Variants in SLC49A3 observed in about 807,000 individuals in gnomAD.
The protein encoded by SLC49A3 is solute carrier family 49 member A3.
A neutral mutation model predicts 43.8 loss-of-function variants in SLC49A3; 50 were observed. That is an observed-to-expected ratio of 1.14 (90% CI 0.91 to 1.45). The LOEUF is 1.45. SLC49A3 is among the 40% of genes most tolerant of loss of function. The pLI, the probability that SLC49A3 is intolerant of heterozygous loss-of-function variation, is 0.00. For synonymous variants in SLC49A3, 413 were observed against 352.0 expected (o/e 1.17, Z -1.94); for missense variants, 906 against 774.1 (o/e 1.17, Z -2.02).
downstream of SLC49A3, chr4:677,934 G>A (rs577893306): frequency 2.4e-4 from 385 of 1,606,250 alleles, no homozygotes; most frequent in Non-Finnish European, 3.0e-4. Flanking sequence ...AGTGGCAGCC[G>A]GAGTCTGAAC....
downstream of SLC49A3, chr4:678,446 T>C (rs1175723150): frequency 2.1e-6 from 3 of 1,427,934 alleles, no homozygotes; most frequent in Admixed American, 2.9e-5. Context: ...CCTCCCCCAG[T>C]CCCTGTGCTG....
In SLC49A3 at chr4:684,551, T is replaced by C; in HGVS notation, c.772A>G (p.Met258Val). The change falls in exon 6 of 10, where the codon ATG becomes GTG. Residue 258 changes from methionine (M) to valine (V), a missense_variant. Physicochemically the swap from Met to Val is conservative, Grantham distance 21. Coordinates refer to ENST00000322224, the MANE Select transcript of SLC49A3 (RefSeq NM_032219.4). ...GAGAAGCTGGCAGAGATCCCGATCATTCCCCCCAAGCACACAGCCAGGATG... is the reference window on the plus strand; with the variant it reads ...GAGAAGCTGGCAGAGATCCCGATCACTCCCCCCAAGCACACAGCCAGGATG... ...YVILAVCLGG[M>V]IGISASFSAL... 1 of 1,613,082 alleles carries C rather than the reference T, an allele frequency of 6.2e-7. No homozygotes were observed. The highest frequency in any genetic ancestry group is 2.2e-5 in the East Asian group (1 of 44,842).
chr4:691,009 G>A (rs1258551093), upstream of SLC49A3, among the ~76,000 whole-genome samples: 1 of 152,228 alleles, frequency 6.6e-6, no homozygotes, highest in Admixed American at 6.5e-5. Flanking sequence ...ACCATGGGCC[G>A]GGTGCGGTGG....
downstream of SLC49A3, chr4:680,905 GC>G: frequency 1.4e-6 from 1 of 690,372 alleles, no homozygotes; most frequent in Non-Finnish European, 2.4e-6. Flanking sequence ...CCCATCAGCG[GC>G]TCCCCCAGAA....
At chr4:688,346 G>A (rs993707639) in intron 1 of SLC49A3, among the ~76,000 whole-genome samples, 1 of 152,192 alleles carries the variant, frequency 6.6e-6, no homozygotes, top group South Asian at 2.1e-4. Flanking sequence ...AGGCCTGAGA[G>A]TGACTCCTGC....
rs1306340311 is a variant in SLC49A3 at position 685,295 on chromosome 4, G to A, written c.586-439C>T. 1.3e-5 allele frequency among the ~76,000 whole-genome samples: 2 copies of A among 152,044 alleles called. No individual in the cohort carries two copies. The highest frequency in any genetic ancestry group is 2.9e-5 in the Non-Finnish European group (2 of 68,006). On this transcript the variant is annotated intron_variant, in intron 4 of 9. Transcript: ENST00000322224. This position sits in a 1 kb window ranked among gnomAD's most constrained non-coding sequence, Gnocchi z 4.3. ...ACACACAGGTACACACCACACATGT[G>A]CACAGACACACAGACACATATGCAC...
intron 9 of SLC49A3, 46 bp from the exon 10 acceptor site, chr4:682,422 C>A: frequency 7.6e-7 from 1 of 1,312,926 alleles, no homozygotes. Flanking sequence ...GCCCAGGGGC[C>A]ACAGATGGGC....
downstream of SLC49A3, chr4:680,708 C>T: frequency 9.5e-7 from 1 of 1,050,092 alleles, no homozygotes; most frequent in South Asian, 1.4e-5. Flanking sequence ...TGACCAGCTT[C>T]AGGGCCATGA....
At chr4:679,922 A>G (rs1553822423), downstream of SLC49A3, 7 of 1,613,698 alleles carry the variant, frequency 4.3e-6, no homozygotes, top group African/African-American at 1.3e-5. Context: ...AGGCAAGACC[A>G]ACGTCAAGGA....
At position 685,874 on chromosome 4, in the gene SLC49A3, G is replaced by T; in HGVS notation, c.546C>A (p.Ser182=). 6.2e-7 allele frequency: 1 copy of T among 1,613,984 alleles called. No individual in the cohort carries two copies. The highest frequency in any genetic ancestry group is 8.5e-7 in the Non-Finnish European group (1 of 1,180,014). The change falls in exon 4 of 10, where the codon TCC becomes TCA. Residue 182 remains serine, a synonymous_variant. Transcript: ENST00000322224. The surrounding 1 kb of genome is among the most constrained non-coding windows in gnomAD (Gnocchi z 4.3). The part of the protein sequence containing the change: ...PLGVLVANVL[S]PVLVKKGEDI... ...CCTCACCCTTCTTGACCAGCACAGG[G>T]GACAGCACATTGGCCACAAGGACGC...
downstream of SLC49A3, chr4:678,962 T>G (rs768516284): frequency 6.2e-7 from 1 of 1,613,724 alleles, no homozygotes; most frequent in Admixed American, 1.7e-5. Context: ...CCCCAGGCAT[T>G]CACACTCATG....
chr4:678,482 C>A, downstream of SLC49A3: 4 of 1,437,206 alleles, frequency 2.8e-6, no homozygotes, highest in South Asian at 4.5e-5. Flanking sequence ...AGCCGTCCTG[C>A]CCCCAACCCC....
At chr4:691,463 C>T (rs1463319441), upstream of SLC49A3, among the ~76,000 whole-genome samples, 2 of 150,588 alleles carry the variant, frequency 1.3e-5, no homozygotes, top group East Asian at 3.9e-4. Flanking sequence ...CATGGTGGTG[C>T]ATGCCTGTAA....
At chr4:680,701 C>A, downstream of SLC49A3, 1 of 1,109,670 alleles carries the variant, frequency 9.0e-7, no homozygotes, top group South Asian at 1.4e-5. Flanking sequence ...CCACCTCTGA[C>A]CAGCTTCAGG....
rs1443018177 is a variant in SLC49A3 at position 686,316 on chromosome 4, G to A, written c.295-14C>T. 1.9e-6 allele frequency: 3 copies of A among 1,612,284 alleles called. No homozygotes were observed. The highest frequency in any genetic ancestry group is 3.3e-5 in the Admixed American group (2 of 59,996). On this transcript the variant is annotated splice_polypyrimidine_tract_variant and intron_variant, in intron 2 of 9. Transcript: ENST00000322224. ...ACCCAGGATGGTCTGCGAGGAGGGG[G>A]TCGGGGACCGGGTCAGGAACGCTGC...
Position 683,679 on chromosome 4 carries a change from G to C in SLC49A3, c.923C>G (p.Thr308Ser), listed in dbSNP as rs1334962021. ...ALALGPYVDRTKHFTEATKIG... is the reference protein window; with the variant it reads ...ALALGPYVDRSKHFTEATKIG... ...CTTGGTGGCCTCAGTGAAGTGCTTGGTCCGGTCCACATAGGGGCCGAGAGC... is the reference window on the plus strand; with the variant it reads ...CTTGGTGGCCTCAGTGAAGTGCTTGCTCCGGTCCACATAGGGGCCGAGAGC... Residue 308 changes from threonine to serine, a missense_variant, in exon 7 of 10, where the codon ACC becomes AGC. Transcript: ENST00000322224. 1 of 1,609,956 alleles carries C rather than the reference G, an allele frequency of 6.2e-7. No individual in the cohort carries two copies. The highest frequency in any genetic ancestry group is 8.5e-7 in the Non-Finnish European group (1 of 1,178,620).
At chr4:684,910 G>T in intron 4 of SLC49A3, 54 bp from the exon 5 acceptor site, 1 of 1,561,614 alleles carries the variant, frequency 6.4e-7, no homozygotes, top group East Asian at 2.3e-5. Flanking sequence ...ACCCACACAC[G>T]CCGCAGCCCT....
chr4:678,059 A>G (rs773335223), downstream of SLC49A3: 28 of 1,612,434 alleles, frequency 1.7e-5, no homozygotes, highest in East Asian at 6.7e-5. Context: ...TGCCTGGGGC[A>G]GGCGTGTGGG....
At chr4:689,807 T>C (rs1190034683), upstream of SLC49A3, among the ~76,000 whole-genome samples, 3 of 152,226 alleles carry the variant, frequency 2.0e-5, no homozygotes, top group Non-Finnish European at 4.4e-5. Context: ...TTCTGTTTGT[T>C]TAGGATGGAG....
Sources: gnomAD v4.1 joint callset for allele counts (sites outside exome capture counted in the v4.1 genomes callset) on GRCh38, gnomAD v4.1.1 for gene constraint, Gnocchi (gnomAD v3.1) non-coding constraint, MANE v1.5 for transcripts, NCBI Gene and HGNC (gene_info 2026-07-23, HGNC 2026-07-21) for gene names.